DTNB: variants seen among roughly 807,000 people sequenced by gnomAD.
DTNB encodes DTN-B.
A neutral mutation model predicts 90.7 loss-of-function variants in DTNB; 63 were observed. The observed-to-expected ratio is 0.69, with a 90% CI of 0.57 to 0.86. DTNB has a LOEUF of 0.86. Ranked by LOEUF, DTNB falls within the 40% of genes least tolerant of loss-of-function variation. The probability of loss-of-function intolerance (pLI) is 0.00; values close to 1 mark genes in which losing one functional copy is unlikely to be tolerated. For missense variants in DTNB, 744 were observed against 807.1 expected (o/e 0.92, Z 0.95); for synonymous variants, 277 against 286.7 (o/e 0.97, Z 0.34).
At chr2:25,516,009 A>G (rs1323998660) in intron 9 of DTNB, among the ~76,000 whole-genome samples, 1 of 152,252 alleles carries the variant, frequency 6.6e-6, no homozygotes, top group Admixed American at 6.5e-5. Flanking sequence ...AGTAGGCAAA[A>G]TATCTAAATA....
chr2:25,378,660 T>C (rs1466840477), intron 20 of DTNB, among the ~76,000 whole-genome samples: 1 of 151,800 alleles, frequency 6.6e-6, no homozygotes, highest in African/African-American at 2.4e-5. Context: ...AGAATTAAGG[T>C]GTTGAGCTGG....
At chr2:25,562,291 T>G (rs1277205673) in intron 8 of DTNB, among the ~76,000 whole-genome samples, 1 of 152,048 alleles carries the variant, frequency 6.6e-6, no homozygotes, top group African/African-American at 2.4e-5. Context: ...CTAATAGTAC[T>G]CCATTGTATT....
chr2:25,532,614 A>G (rs980669035), intron 8 of DTNB, among the ~76,000 whole-genome samples: 1 of 152,250 alleles, frequency 6.6e-6, no homozygotes, highest in African/African-American at 2.4e-5. Flanking sequence ...GTTACACAGA[A>G]CATTCACTTC....
intron 7 of DTNB, among the ~76,000 whole-genome samples, chr2:25,577,311 C>A (rs2060837452): frequency 6.6e-6 from 1 of 152,006 alleles, no homozygotes; most frequent in Non-Finnish European, 1.5e-5. Flanking sequence ...ATGGCACATG[C>A]CTGTAATCTC....
chr2:25,415,831 A>G (rs1274362330), intron 16 of DTNB, among the ~76,000 whole-genome samples: 2 of 152,116 alleles, frequency 1.3e-5, no homozygotes, highest in East Asian at 3.9e-4. Context: ...ACCCTTCTGG[A>G]ACTTGCCCTA....
At position 25,596,130 on chromosome 2, in the gene DTNB, A is replaced by T. The variant is rs1278880557; in HGVS notation, c.559T>A (p.Phe187Ile). 1.2e-6 allele frequency: 2 copies of T among 1,613,082 alleles called. No individual in the cohort carries two copies. The highest frequency in any genetic ancestry group is 1.7e-5 in the Admixed American group (1 of 59,902). Reference protein sequence around the residue: ...LPTAVFEGPSFGYTEHSVRTC... With the variant: ...LPTAVFEGPSIGYTEHSVRTC... The stretch of plus-strand genomic sequence containing the variant: ...CGGACTGAGTGCTCTGTGTAACCAA[A>T]AGATGGCCCTTCAAAGACAGCTGTT... The change falls in exon 6 of 21, where the codon TTT (phenylalanine) becomes ATT (isoleucine). Residue 187 changes from phenylalanine (F) to isoleucine (I), a missense_variant. Phe to Ile is a conservative substitution (Grantham distance 21). Coordinates refer to ENST00000406818, the MANE Select transcript of DTNB (RefSeq NM_021907.5).
At chr2:25,596,038 G>A (rs780809782) in intron 6 of DTNB, 48 bp downstream of exon 6, 1 of 1,483,394 alleles carries the variant, frequency 6.7e-7, no homozygotes, top group South Asian at 1.5e-5. Flanking sequence ...AAGGTGAAGG[G>A]AGGGAAGAGC....
intron 12 of DTNB, among the ~76,000 whole-genome samples, chr2:25,448,710 C>T (rs1339537310): frequency 1.3e-5 from 2 of 151,918 alleles, no homozygotes; most frequent in Non-Finnish European, 2.9e-5. Context: ...AAAAATTAGC[C>T]GGGCGTGGTG....
intron 2 of DTNB, among the ~76,000 whole-genome samples, chr2:25,647,563 C>T (rs550175589): frequency 1.3e-5 from 2 of 152,150 alleles, no homozygotes; most frequent in East Asian, 1.9e-4. Flanking sequence ...TTAACTAAAA[C>T]ATTTACTTTC....
chr2:25,630,903 A>G (rs1449342464), intron 3 of DTNB, among the ~76,000 whole-genome samples: 3 of 152,020 alleles, frequency 2.0e-5, no homozygotes, highest in Non-Finnish European at 4.4e-5. Flanking sequence ...CAATATGGAT[A>G]AACCCTTAAA....
chr2:25,379,223 AG>A, intron 20 of DTNB, 66 bp downstream of exon 20: 1 of 1,282,292 alleles, frequency 7.8e-7, no homozygotes, highest in Non-Finnish European at 1.0e-6. Flanking sequence ...GCAGGAAGGG[AG>A]GGGAAGGGAA....
At chr2:25,544,162 T>C (rs1034377825) in intron 8 of DTNB, among the ~76,000 whole-genome samples, 12 of 152,228 alleles carry the variant, frequency 7.9e-5, no homozygotes, top group African/African-American at 2.6e-4. Flanking sequence ...GGTTGGGTCA[T>C]GAAGGTGAGT....
At chr2:25,523,897 CTTTTTTTTTT>C in intron 9 of DTNB, among the ~76,000 whole-genome samples, 1 of 115,848 alleles carries the variant, frequency 8.6e-6, no homozygotes, top group African/African-American at 3.2e-5. Context: ...GTCATCTGTA[CTTTTTTTTTT>C]TTTTTTTTTT....
At chr2:25,582,455 A>G (rs1394286182) in intron 6 of DTNB, among the ~76,000 whole-genome samples, 46 of 152,230 alleles carry the variant, frequency 3.0e-4, no homozygotes, top group Admixed American at 2.9e-3. Context: ...AATGGGGAAT[A>G]GAAAAGGGAG....
intron 16 of DTNB, among the ~76,000 whole-genome samples, chr2:25,390,001 G>C (rs2040647936): frequency 6.6e-6 from 1 of 152,040 alleles, no homozygotes; most frequent in Non-Finnish European, 1.5e-5. Flanking sequence ...AAATATTGCA[G>C]AAAAATTTGC....
rs146708707 is a variant in DTNB, at chr2:25,389,054, T to C, written c.1576-693A>G. 7.8e-3 allele frequency among the ~76,000 whole-genome samples: 1,183 copies of C among 152,270 alleles called. 19 individuals carry two copies. The highest frequency in any genetic ancestry group is 0.026 in the African/African-American group (1,067 of 41,538). Reference sequence around the variant, plus strand: ...GTAGATACGGGGTTTCAACACGTTGTCCAGGTTGGTCTTTAACTCCTGAGC... The same window carrying C: ...GTAGATACGGGGTTTCAACACGTTGCCCAGGTTGGTCTTTAACTCCTGAGC... On this transcript the variant is annotated intron_variant, in intron 16 of 20. Transcript: ENST00000406818.
At chr2:25,549,162 G>A (rs1206827702) in intron 8 of DTNB, among the ~76,000 whole-genome samples, 1 of 151,730 alleles carries the variant, frequency 6.6e-6, no homozygotes, top group Non-Finnish European at 1.5e-5. Flanking sequence ...TTTTTATCTT[G>A]TAAGTAGATG....
intron 2 of DTNB, among the ~76,000 whole-genome samples, chr2:25,646,190 T>C (rs2148890004): frequency 6.6e-6 from 1 of 151,832 alleles, no homozygotes; most frequent in East Asian, 1.9e-4. Flanking sequence ...ATAAGAAACA[T>C]ATTGGCCAGG....
intron 1 of DTNB, among the ~76,000 whole-genome samples, chr2:25,671,003 G>T (rs1396584866): frequency 2.0e-5 from 3 of 152,180 alleles, no homozygotes; most frequent in African/African-American, 4.8e-5. Context: ...CAGATTGACT[G>T]TCATGGTATC....
Sources: gnomAD v4.1 joint callset for allele counts (sites outside exome capture counted in the v4.1 genomes callset) on GRCh38, gnomAD v4.1.1 for gene constraint, MANE v1.5 for transcripts, NCBI Gene and HGNC (gene_info 2026-07-23, HGNC 2026-07-21) for gene names.